The following CSMD1 variants were observed in gnomAD, a reference collection of about 807,000 sequenced individuals.
The protein encoded by CSMD1 is CUB and Sushi multiple domains 1.
Under a neutral mutation model 417.5 loss-of-function variants are expected in CSMD1, and 213 were observed. The ratio of observed to expected loss-of-function variants is 0.51; its 90% CI spans 0.46 to 0.57. The LOEUF (loss-of-function observed/expected upper bound fraction) is 0.57, where lower values mean the gene tolerates loss of function less well. Ranked by LOEUF, CSMD1 falls within the 20% of genes least tolerant of loss-of-function variation. CSMD1 has a pLI of 0.00. For synonymous variants in CSMD1, 2,862 were observed against 1,736.8 expected (o/e 1.65, Z -16.11); for missense variants, 6,923 against 4,529.7 (o/e 1.53, Z -15.17).
At chr8:2,960,601 T>A (rs1312101826) in intron 62 of CSMD1, among the ~76,000 whole-genome samples, 5 of 152,202 alleles carry the variant, frequency 3.3e-5, no homozygotes, top group Admixed American at 2.0e-4. Context: ...CAAATGAACG[T>A]TCCAAAATGA....
At chr8:3,968,004 T>TAAAAAA (rs11330461) in intron 5 of CSMD1, among the ~76,000 whole-genome samples, 102 of 98,888 alleles carry the variant, frequency 1.0e-3, no homozygotes, top group African/African-American at 4.2e-3. Flanking sequence ...CGTCACTGCT[T>TAAAAAA]AAAAAAAAAA....
intron 5 of CSMD1, among the ~76,000 whole-genome samples, chr8:3,846,266 A>C (rs757622081): frequency 1.2e-4 from 19 of 152,318 alleles, no homozygotes; most frequent in Non-Finnish European, 2.1e-4. Context: ...CTATGGCATT[A>C]TGATCGCTAC....
chr8:4,243,953 C>G (rs1234806600), intron 3 of CSMD1, among the ~76,000 whole-genome samples: 2 of 152,172 alleles, frequency 1.3e-5, no homozygotes, highest in Admixed American at 1.3e-4. Flanking sequence ...CTACAATCAT[C>G]AGTAGCAGGT....
intron 1 of CSMD1, among the ~76,000 whole-genome samples, chr8:4,680,780 A>T (rs968658969): frequency 1.1e-4 from 17 of 152,040 alleles, no homozygotes; most frequent in African/African-American, 3.6e-4. Context: ...AGGTTTCACC[A>T]TGTTGGCCAG....
At chr8:4,816,170 C>G (rs1292902513) in intron 1 of CSMD1, among the ~76,000 whole-genome samples, 1 of 150,904 alleles carries the variant, frequency 6.6e-6, no homozygotes, top group Non-Finnish European at 1.5e-5. Context: ...TCAGGTTGGT[C>G]ACTAAATCAC....
intron 2 of CSMD1, among the ~76,000 whole-genome samples, chr8:4,452,275 G>A (rs1216108622): frequency 6.6e-6 from 1 of 152,146 alleles, no homozygotes; most frequent in African/African-American, 2.4e-5. Flanking sequence ...TGTCAAAGGA[G>A]GATGACTTGT....
intron 10 of CSMD1, among the ~76,000 whole-genome samples, chr8:3,551,244 G>C (rs1170540203): frequency 6.6e-6 from 1 of 152,134 alleles, no homozygotes; most frequent in Non-Finnish European, 1.5e-5. Context: ...AATTTCTCAA[G>C]AAATATTAAC....
At chr8:4,238,026 G>T (rs774986245) in intron 3 of CSMD1, among the ~76,000 whole-genome samples, 1 of 152,134 alleles carries the variant, frequency 6.6e-6, no homozygotes, top group African/African-American at 2.4e-5. Flanking sequence ...CACATCATGT[G>T]CTTTCCAGCA....
At chr8:3,568,255 ATT>A (rs1799799837) in intron 10 of CSMD1, among the ~76,000 whole-genome samples, 1 of 152,120 alleles carries the variant, frequency 6.6e-6, no homozygotes, top group Non-Finnish European at 1.5e-5. Flanking sequence ...AGTTTCACAT[ATT>A]TTGTTTTACT....
intron 52 of CSMD1, among the ~76,000 whole-genome samples, chr8:3,009,719 A>G (rs1304689749): frequency 6.6e-6 from 1 of 152,168 alleles, no homozygotes. Context: ...AGATATGCAT[A>G]TGGTATCACA....
intron 7 of CSMD1, among the ~76,000 whole-genome samples, chr8:3,702,980 G>C (rs1332928513): frequency 1.3e-5 from 2 of 152,138 alleles, no homozygotes; most frequent in Non-Finnish European, 2.9e-5. Context: ...CCCTTTTGGA[G>C]ACATAATATT....
chr8:4,474,369 G>C (rs910293972), intron 2 of CSMD1, among the ~76,000 whole-genome samples: 8 of 152,130 alleles, frequency 5.3e-5, no homozygotes, highest in African/African-American at 1.9e-4. Context: ...TGTCTAACTT[G>C]AGCTGATTAG....
chr8:3,184,531 C>G, intron 36 of CSMD1, among the ~76,000 whole-genome samples: 1 of 152,194 alleles, frequency 6.6e-6, no homozygotes, highest in Non-Finnish European at 1.5e-5. Context: ...AAATAGCCAT[C>G]AACTGAGCTT....
chr8:4,177,298 A>G (rs907593657), intron 3 of CSMD1, among the ~76,000 whole-genome samples: 7 of 152,118 alleles, frequency 4.6e-5, no homozygotes, highest in Non-Finnish European at 8.8e-5. Flanking sequence ...GCTCAACTAC[A>G]TGGAAACTGA....
At chr8:3,419,740 A>G (rs1324871046) in intron 12 of CSMD1, among the ~76,000 whole-genome samples, 3 of 152,260 alleles carry the variant, frequency 2.0e-5, no homozygotes, top group Non-Finnish European at 2.9e-5. Context: ...CATGTCAAGA[A>G]AAAAATCTGC....
intron 49 of CSMD1, among the ~76,000 whole-genome samples, chr8:3,073,810 T>A (rs1396589674): frequency 5.9e-5 from 9 of 151,988 alleles, no homozygotes; most frequent in Non-Finnish European, 1.3e-4. Context: ...AAAAAAGTAT[T>A]CTCTACTGAG....
rs367978331 is a variant in CSMD1 at position 3,575,099 on chromosome 8, C to G, written c.1223-33G>C. 1.9e-6 allele frequency: 3 copies of G among 1,601,768 alleles called. No homozygotes were observed. The African/African-American group carries it at 4.1e-5, about 22-fold the overall frequency. ...CACATAGAAACGACGTTATTTTCTA[C>G]AACATTGTGTCAGTTTGGTAAAGAC... On this transcript the variant is annotated intron_variant, in intron 9 of 69. Coordinates refer to ENST00000635120, the MANE Select transcript of CSMD1 (RefSeq NM_033225.6).
intron 1 of CSMD1, among the ~76,000 whole-genome samples, chr8:4,887,411 T>A (rs879812707): frequency 6.6e-6 from 1 of 152,084 alleles, no homozygotes; most frequent in Non-Finnish European, 1.5e-5. Flanking sequence ...CAACAGTTCA[T>A]CTGCAAATGA....
intron 3 of CSMD1, among the ~76,000 whole-genome samples, chr8:4,055,064 C>T (rs1441800097): frequency 6.6e-6 from 1 of 152,072 alleles, no homozygotes; most frequent in South Asian, 2.1e-4. Context: ...TTCAAACAAT[C>T]AGAGAGAATA....
Sources: gnomAD v4.1 joint callset for allele counts (sites outside exome capture counted in the v4.1 genomes callset) on GRCh38, gnomAD v4.1.1 for gene constraint, MANE v1.5 for transcripts, NCBI Gene and HGNC (gene_info 2026-07-23, HGNC 2026-07-21) for gene names.